Variants in GLYR1 observed in about 807,000 individuals in gnomAD.
GLYR1 encodes glyoxylate reductase 1 homolog, also known as cytokine-like nuclear factor N-PAC.
Under a neutral mutation model 72.7 loss-of-function variants are expected in GLYR1, and 21 were observed. The ratio of observed to expected loss-of-function variants is 0.29; its 90% CI spans 0.20 to 0.42. The LOEUF is 0.42. Ranked by LOEUF, GLYR1 falls within the 10% of genes least tolerant of loss-of-function variation. The pLI is 1.00. For synonymous variants in GLYR1, 392 were observed against 270.2 expected (o/e 1.45, Z -4.42); for missense variants, 594 against 712.1 (o/e 0.83, Z 1.89).
At chr16:4,838,525 G>A (rs1457452536) in intron 3 of GLYR1, among the ~76,000 whole-genome samples, 2 of 152,070 alleles carry the variant, frequency 1.3e-5, no homozygotes, top group Non-Finnish European at 2.9e-5. Context: ...TGGCTTCTAA[G>A]CACCTGTAAT....
At chr16:4,837,093 T>C (rs2085187175) in intron 3 of GLYR1, among the ~76,000 whole-genome samples, 1 of 152,220 alleles carries the variant, frequency 6.6e-6, no homozygotes, top group South Asian at 2.1e-4. Flanking sequence ...TAAAATCTGG[T>C]ATTTTCAAAA....
intron 3 of GLYR1, among the ~76,000 whole-genome samples, chr16:4,841,808 A>G (rs996127628): frequency 6.6e-6 from 1 of 152,180 alleles, no homozygotes; most frequent in Admixed American, 6.5e-5. Context: ...ATTCCTAAGC[A>G]CAAGTTACCT....
At chr16:4,839,155 G>C (rs2085363660) in intron 3 of GLYR1, 1 of 152,790 alleles carries the variant, frequency 6.5e-6, no homozygotes. Context: ...AGATGGCAGG[G>C]GGAGGGAGAC....
intron 3 of GLYR1, chr16:4,839,816 C>T (rs1250897029): frequency 6.6e-6 from 1 of 152,138 alleles, no homozygotes; most frequent in Non-Finnish European, 1.5e-5. Flanking sequence ...TAATAAAAGA[C>T]CTTGCAAATA....
At chr16:4,825,126 C>T (rs915018411) in intron 5 of GLYR1, among the ~76,000 whole-genome samples, 1 of 152,196 alleles carries the variant, frequency 6.6e-6, no homozygotes, top group Non-Finnish European at 1.5e-5. Flanking sequence ...TACACAGCAG[C>T]CAGAGTCAGC....
chr16:4,807,746 G>A (rs2083075775), intron 15 of GLYR1, among the ~76,000 whole-genome samples: 1 of 152,198 alleles, frequency 6.6e-6, no homozygotes, highest in Admixed American at 6.5e-5. Flanking sequence ...CAAGCCACAT[G>A]AAACCCTTGG....
In GLYR1 at chr16:4,812,260, A is replaced by G; in HGVS notation, c.1120-12T>C. On this transcript the variant is annotated splice_polypyrimidine_tract_variant and intron_variant, in intron 12 of 15. Transcript: ENST00000321919. ...CTGGACACAATCACCTGGAAAGAAA[A>G]GTCACAGCTTCTGGAGGCCTCCCCT... 1 of 1,609,866 alleles carries G rather than the reference A, an allele frequency of 6.2e-7. No individual in the cohort carries two copies. Among genetic ancestry groups the G allele is most frequent in the East Asian group, 2.2e-5 (1 of 44,860 alleles).
chr16:4,810,429 G>C (rs1449082709), intron 15 of GLYR1, among the ~76,000 whole-genome samples: 1 of 151,714 alleles, frequency 6.6e-6, no homozygotes, highest in Non-Finnish European at 1.5e-5. Flanking sequence ...AAAATCTATT[G>C]AACCCAGGAG....
intron 9 of GLYR1, among the ~76,000 whole-genome samples, chr16:4,819,462 C>G (rs2083873822): frequency 6.6e-6 from 1 of 152,102 alleles, no homozygotes; most frequent in South Asian, 2.1e-4. Flanking sequence ...GTGCATGCCA[C>G]CATGTCTGGC....
intron 6 of GLYR1, 83 bp downstream of exon 6, chr16:4,823,738 G>T: frequency 1.0e-6 from 1 of 1,002,288 alleles, no homozygotes; most frequent in Non-Finnish European, 1.5e-6. Flanking sequence ...ACACAAGAAA[G>T]GGACAAAAAA....
At chr16:4,808,371 TG>T (rs1463013866) in intron 15 of GLYR1, among the ~76,000 whole-genome samples, 1 of 151,658 alleles carries the variant, frequency 6.6e-6, no homozygotes, top group East Asian at 1.9e-4. Context: ...CTGAGGTGGG[TG>T]GATCACCTGA....
intron 5 of GLYR1, among the ~76,000 whole-genome samples, chr16:4,826,226 T>C (rs1237900719): frequency 6.6e-6 from 1 of 152,214 alleles, no homozygotes; most frequent in Non-Finnish European, 1.5e-5. Flanking sequence ...TTTTTATTTT[T>C]ATTTTTTGTA....
intron 3 of GLYR1, among the ~76,000 whole-genome samples, chr16:4,836,302 G>A (rs1240503051): frequency 1.3e-5 from 2 of 151,950 alleles, no homozygotes; most frequent in African/African-American, 4.9e-5. Context: ...GCTCCAGTGC[G>A]TAAGGCTTTA....
chr16:4,820,980 G>A (rs1305504461), intron 9 of GLYR1, among the ~76,000 whole-genome samples: 2 of 152,250 alleles, frequency 1.3e-5, no homozygotes, highest in African/African-American at 2.4e-5. Flanking sequence ...CTCAGCCAGT[G>A]GTTCTCACAG....
intron 15 of GLYR1, among the ~76,000 whole-genome samples, chr16:4,809,839 G>A (rs182752375): frequency 1.3e-5 from 2 of 151,740 alleles, no homozygotes; most frequent in South Asian, 4.2e-4. Context: ...CATGAGAATC[G>A]CTTGAACTTG....
Position 4,811,480 on chromosome 16 carries a change from C to T in GLYR1, c.1462+143G>A, listed in dbSNP as rs1193846403. On this transcript the variant is annotated intron_variant, in intron 14 of 15. Coordinates refer to ENST00000321919, the MANE Select transcript of GLYR1 (RefSeq NM_032569.4). ...GCTCCCAGCCTATATCCCCAAATCC[C>T]GCCCACTGTGTTTCTGAACCTCCTC... 1.7e-5 allele frequency: 21 copies of T among 1,257,492 alleles called. No homozygotes were observed. The Middle Eastern group carries it at 7.9e-4, about 47-fold the overall frequency. 77.9% of individuals were successfully genotyped at this position (1,257,492 alleles called of 1,614,324 possible).
chr16:4,807,963 C>T (rs138809267), intron 15 of GLYR1, among the ~76,000 whole-genome samples: 2,410 of 152,306 alleles, frequency 0.016, 45 homozygotes, highest in Middle Eastern at 0.044. Context: ...AGGCTGCATG[C>T]GGTGGCTCAT....
intron 3 of GLYR1, among the ~76,000 whole-genome samples, chr16:4,836,748 G>A (rs1424137865): frequency 1.3e-5 from 2 of 151,746 alleles, no homozygotes; most frequent in African/African-American, 4.8e-5. Context: ...GTGGGATGGG[G>A]ATGAATGCAA....
chr16:4,816,549 G>T (rs2083653698), intron 10 of GLYR1, among the ~76,000 whole-genome samples: 1 of 152,080 alleles, frequency 6.6e-6, no homozygotes, highest in African/African-American at 2.4e-5. Flanking sequence ...AGTACTTCTA[G>T]TTGGTATTCC....
Sources: allele counts gnomAD v4.1 joint callset (sites outside exome capture counted in the v4.1 genomes callset), GRCh38; gene constraint gnomAD v4.1.1; transcripts MANE v1.5; gene names NCBI Gene and HGNC (gene_info 2026-07-23, HGNC 2026-07-21).